EPS8: variants seen among roughly 807,000 people sequenced by gnomAD.
EPS8 encodes EGFR pathway substrate 8, signaling adaptor.
Under a neutral mutation model 103.8 loss-of-function variants are expected in EPS8, and 42 were observed. That is an observed-to-expected ratio of 0.40 (90% confidence interval 0.32 to 0.52). EPS8 has a LOEUF of 0.52. Among genes scored for constraint, EPS8 ranks in the 20% least tolerant of loss-of-function variants. EPS8 has a pLI of 0.40. For missense variants in EPS8, 969 were observed against 1,005.1 expected (o/e 0.96, Z 0.49); for synonymous variants, 344 against 344.6 (o/e 1.00, Z 0.02).
At chr12:15,741,982 C>A (rs147080510) in intron 1 of EPS8, among the ~76,000 whole-genome samples, 1 of 152,104 alleles carries the variant, frequency 6.6e-6, no homozygotes, top group African/African-American at 2.4e-5. Flanking sequence ...TCTGTCCTTG[C>A]GATAGTTTGC....
At chr12:15,645,393 T>TA (rs1370999557) in intron 15 of EPS8, among the ~76,000 whole-genome samples, 2 of 147,810 alleles carry the variant, frequency 1.4e-5, no homozygotes, top group Admixed American at 6.9e-5. Context: ...TGTCAACTTT[T>TA]ATATTTTATA....
rs1355110579 is a variant in EPS8, at chr12:15,738,675, T to A, written c.-22+50486A>T. 6.6e-6 allele frequency among the ~76,000 whole-genome samples: 1 copy of A among 152,184 alleles called. No individual in the cohort carries two copies. The highest frequency in any genetic ancestry group is 2.4e-5 in the African/African-American group (1 of 41,452). On this transcript the variant is annotated intron_variant, in intron 1 of 20. Transcript: ENST00000281172. This position sits in a 1 kb window ranked among gnomAD's most constrained non-coding sequence, Gnocchi z 6.2. ...TAAAGCACTTGTGTTGTATTTAATA[T>A]CAGTCATTTGTTTGCATATTTGTCT...
chr12:15,753,344 T>C (rs892420804), intron 1 of EPS8, among the ~76,000 whole-genome samples: 3 of 152,342 alleles, frequency 2.0e-5, no homozygotes, highest in Admixed American at 6.5e-5. Flanking sequence ...AAGATCTCGA[T>C]GAAGCTCTGT....
chr12:15,690,725 TTATGTC>T lies in EPS8; in HGVS notation c.-21-7759_-21-7754del, dbSNP rs1176882785. On this transcript the variant is annotated intron_variant, in intron 1 of 20. Coordinates refer to ENST00000281172, the MANE Select transcript of EPS8 (RefSeq NM_004447.6). This position sits in a 1 kb window ranked among gnomAD's most constrained non-coding sequence, Gnocchi z 4.7. ...TGTATCAAGAGCAAAATGTATAACTTTATGTCTATGAAAAGTTCACGACTAAGCAGG... is the reference window on the plus strand; with the variant it reads ...TGTATCAAGAGCAAAATGTATAACTTTATGAAAAGTTCACGACTAAGCAGG... Among the ~76,000 whole-genome samples the T allele has an allele frequency of 2.0e-5, 3 of 152,194 alleles. No individual in the cohort carries two copies. Among genetic ancestry groups the T allele is most frequent in the African/African-American group, 4.8e-5 (2 of 41,450 alleles).
chr12:15,758,551 C>T (rs780329968), intron 1 of EPS8, among the ~76,000 whole-genome samples: 2 of 152,186 alleles, frequency 1.3e-5, no homozygotes, highest in Admixed American at 1.3e-4. Flanking sequence ...TTCAATTTCA[C>T]ATGTGGCTAG....
At chr12:15,663,920 CAA>C (rs10590703) in intron 8 of EPS8, among the ~76,000 whole-genome samples, 243 of 8,924 alleles carry the variant, frequency 0.027, no homozygotes, top group African/African-American at 0.041. Context: ...CACTCCATCT[CAA>C]AAAAAAAAAA....
At chr12:15,679,469 T>C (rs1945967267) in intron 3 of EPS8, among the ~76,000 whole-genome samples, 1 of 152,254 alleles carries the variant, frequency 6.6e-6, no homozygotes, top group African/African-American at 2.4e-5. Context: ...CTAGCCACTA[T>C]GCCAGTAAGC....
chr12:15,728,828 A>T lies in EPS8; in HGVS notation c.-21-45856T>A, dbSNP rs1207004595. Among the ~76,000 whole-genome samples the T allele has an allele frequency of 6.6e-6, 1 of 152,214 alleles. No individual in the cohort carries two copies. The highest frequency in any genetic ancestry group is 1.5e-5 in the Non-Finnish European group (1 of 68,034). The stretch of plus-strand genomic sequence containing the variant: ...TTGGTAGCAAAATATTCAAGCCAAT[A>T]AAAATGGGCTAAAGGACACTGTTAA... On this transcript the variant is annotated intron_variant, in intron 1 of 20. Transcript: ENST00000281172. This position sits in a 1 kb window ranked among gnomAD's most constrained non-coding sequence, Gnocchi z 4.5.
chr12:15,663,920 C>CAAAA (rs10590703), intron 8 of EPS8, among the ~76,000 whole-genome samples: 27 of 9,044 alleles, frequency 3.0e-3, no homozygotes, highest in African/African-American at 4.5e-3. Flanking sequence ...CACTCCATCT[C>CAAAA]AAAAAAAAAA....
At chr12:15,646,929 G>A (rs1047370377) in intron 15 of EPS8, among the ~76,000 whole-genome samples, 198 bp downstream of exon 15, 3 of 152,168 alleles carry the variant, frequency 2.0e-5, no homozygotes, top group Admixed American at 2.0e-4. Flanking sequence ...TGCACTAAAT[G>A]GGAATTACAG....
At chr12:15,722,196 CA>C (rs57036768) in intron 1 of EPS8, among the ~76,000 whole-genome samples, 13,698 of 121,884 alleles carry the variant, frequency 0.11, 2,039 homozygotes, top group African/African-American at 0.35. Flanking sequence ...TGATGAGGTA[CA>C]AAAAAAAAAA....
intron 1 of EPS8, among the ~76,000 whole-genome samples, chr12:15,699,694 T>C (rs1946287972): frequency 6.6e-6 from 1 of 152,202 alleles, no homozygotes. Context: ...CAGTAATCCA[T>C]ATTCTCTCAA....
intron 1 of EPS8, among the ~76,000 whole-genome samples, chr12:15,774,354 C>T (rs1947185876): frequency 7.2e-6 from 1 of 138,698 alleles, no homozygotes; most frequent in South Asian, 2.6e-4. Flanking sequence ...TGCATACAGG[C>T]CTAGTGTTAT....
chr12:15,671,046 G>A (rs1435112753), intron 3 of EPS8, 123 bp from the exon 4 acceptor site: 16 of 600,034 alleles, frequency 2.7e-5, no homozygotes, highest in Non-Finnish European at 2.3e-5. Context: ...CTGACAAGTT[G>A]CCATTGTGTG....
chr12:15,705,811 C>G (rs1946378433), intron 1 of EPS8, among the ~76,000 whole-genome samples: 1 of 152,164 alleles, frequency 6.6e-6, no homozygotes, highest in South Asian at 2.1e-4. Flanking sequence ...CAAACACTAA[C>G]CTCAACGGCT....
rs992978711 is a variant in EPS8 at position 15,717,779 on chromosome 12, C to T, written c.-21-34807G>A. Among the ~76,000 whole-genome samples, 4 of 151,840 alleles carry T rather than the reference C, an allele frequency of 2.6e-5. No individual in the cohort carries two copies. The highest frequency in any genetic ancestry group is 7.3e-5 in the African/African-American group (3 of 41,330). On this transcript the variant is annotated intron_variant, in intron 1 of 20. Transcript: ENST00000281172. The surrounding 1 kb of genome is among the most constrained non-coding windows in gnomAD (Gnocchi z 4.3). The stretch of plus-strand genomic sequence containing the variant: ...AAATATTGATTTGAGAAAAATGAAC[C>T]GCAAAATTATGTAACAGGGAATATA...
At chr12:15,685,379 C>T (rs1211621784) in intron 1 of EPS8, among the ~76,000 whole-genome samples, 1 of 152,150 alleles carries the variant, frequency 6.6e-6, no homozygotes, top group East Asian at 1.9e-4. Context: ...AAGAAGTGTT[C>T]TTTCAAAGCA....
chr12:15,746,158 G>A (rs569335223), intron 1 of EPS8, among the ~76,000 whole-genome samples: 4 of 152,246 alleles, frequency 2.6e-5, no homozygotes, highest in Non-Finnish European at 4.4e-5. Flanking sequence ...TTTCCTTGAA[G>A]CAGGAGTCAG....
chr12:15,680,785 G>C (rs1404018723), intron 3 of EPS8, among the ~76,000 whole-genome samples: 1 of 152,046 alleles, frequency 6.6e-6, no homozygotes, highest in Non-Finnish European at 1.5e-5. Context: ...CAGGGAAAAA[G>C]CATAATCATT....
Sources: allele counts gnomAD v4.1 joint callset (sites outside exome capture counted in the v4.1 genomes callset), GRCh38; gene constraint gnomAD v4.1.1; non-coding constraint Gnocchi (gnomAD v3.1); transcripts MANE v1.5; gene names NCBI Gene and HGNC (gene_info 2026-07-23, HGNC 2026-07-21).